XXYLT1: variants seen among roughly 807,000 people sequenced by gnomAD.
XXYLT1 encodes UDP-xylose:alpha-xyloside alpha-1,3-xylosyltransferase.
In XXYLT1, 20 loss-of-function variants were observed where a neutral mutation model predicts 28.9. The observed-to-expected ratio is 0.69, with a 90% CI of 0.49 to 1.00. The LOEUF (loss-of-function observed/expected upper bound fraction) is 1.00, where lower values mean the gene tolerates loss of function less well. XXYLT1 is among the 50% of genes least tolerant of loss of function. The pLI, the probability that XXYLT1 is intolerant of heterozygous loss-of-function variation, is 0.00. For missense variants in XXYLT1, 542 were observed against 560.1 expected (o/e 0.97, Z 0.33); for synonymous variants, 257 against 253.8 (o/e 1.01, Z -0.12).
intron 2 of XXYLT1, among the ~76,000 whole-genome samples, chr3:195,171,293 G>A (rs1008524857): frequency 1.2e-4 from 19 of 152,196 alleles, no homozygotes; most frequent in South Asian, 4.1e-4. Context: ...GGTTCTGAAC[G>A]GCCAAGCCCT....
At chr3:195,112,513 C>CA (rs1717797505) in intron 3 of XXYLT1, among the ~76,000 whole-genome samples, 8 of 142,572 alleles carry the variant, frequency 5.6e-5, no homozygotes, top group African/African-American at 1.4e-4. Flanking sequence ...CCCACACACA[C>CA]CCACACACAC....
intron 3 of XXYLT1, among the ~76,000 whole-genome samples, chr3:195,087,010 C>T (rs567047043): frequency 1.3e-5 from 2 of 152,272 alleles, no homozygotes; most frequent in Non-Finnish European, 2.9e-5. Flanking sequence ...CTTCCCAGCT[C>T]CAGGTCGCCT....
At chr3:195,237,556 T>C (rs985737793) in intron 1 of XXYLT1, among the ~76,000 whole-genome samples, 9 of 152,046 alleles carry the variant, frequency 5.9e-5, no homozygotes, top group South Asian at 2.1e-4. Context: ...GGTGCTTTTT[T>C]GGTGTAGATC....
intron 2 of XXYLT1, among the ~76,000 whole-genome samples, chr3:195,179,351 A>G (rs1013123985): frequency 3.3e-5 from 5 of 151,498 alleles, no homozygotes; most frequent in Admixed American, 6.6e-5. Context: ...AAAAAAAAAA[A>G]GAAAAAAAAA....
Position 195,115,978 on chromosome 3 carries a change from T to C in XXYLT1, c.785+40471A>G, listed in dbSNP as rs751275776. Among the ~76,000 whole-genome samples, 2 of 152,130 alleles carry C rather than the reference T, an allele frequency of 1.3e-5. No individual in the cohort carries two copies. The highest frequency in any genetic ancestry group is 2.9e-5 in the Non-Finnish European group (2 of 68,020). Reference sequence around the variant, plus strand: ...AAACTCAAGTCAGGCAGCTGAAGCATGCACTATTTGCCACAAACGGAGTCG... The same window carrying C: ...AAACTCAAGTCAGGCAGCTGAAGCACGCACTATTTGCCACAAACGGAGTCG... On this transcript the variant is annotated intron_variant, in intron 3 of 3. Coordinates refer to ENST00000310380, the MANE Select transcript of XXYLT1 (RefSeq NM_152531.5). This position sits in a 1 kb window ranked among gnomAD's most constrained non-coding sequence, Gnocchi z 4.2.
intron 1 of XXYLT1, among the ~76,000 whole-genome samples, chr3:195,227,304 A>T (rs1200472205): frequency 6.6e-6 from 1 of 152,158 alleles, no homozygotes; most frequent in Admixed American, 6.5e-5. Context: ...TGGCCACTGC[A>T]TCTGTTCCAT....
chr3:195,190,409 C>T (rs1722367792), intron 2 of XXYLT1, among the ~76,000 whole-genome samples: 1 of 147,450 alleles, frequency 6.8e-6, no homozygotes, highest in African/African-American at 2.5e-5. Context: ...GCAAAATAAT[C>T]ACTTGAACCC....
Position 195,168,272 on chromosome 3 carries a change from C to T in XXYLT1, c.653-11691G>A, listed in dbSNP as rs140607595. On this transcript the variant is annotated intron_variant, in intron 2 of 3. Coordinates refer to ENST00000310380, the MANE Select transcript of XXYLT1 (RefSeq NM_152531.5). The surrounding 1 kb of genome is among the most constrained non-coding windows in gnomAD (Gnocchi z 4.3). ...TTCTGAACAGGAATGGTCTTTGCCCCTCACTCATACCTTGTTTGTTCTCAG... is the reference window on the plus strand; with the variant it reads ...TTCTGAACAGGAATGGTCTTTGCCCTTCACTCATACCTTGTTTGTTCTCAG... Among the ~76,000 whole-genome samples the T allele has an allele frequency of 6.6e-6, 1 of 152,304 alleles. No individual in the cohort carries two copies. Among genetic ancestry groups the T allele is most frequent in the Non-Finnish European group, 1.5e-5 (1 of 68,026 alleles).
chr3:195,110,720 G>C (rs62645783), intron 3 of XXYLT1, among the ~76,000 whole-genome samples: 1 of 76,158 alleles, frequency 1.3e-5, no homozygotes, highest in Non-Finnish European at 2.6e-5. Flanking sequence ...TGTGTGGTGT[G>C]TGTGTGTGTG....
intron 3 of XXYLT1, chr3:195,134,650 A>G (rs944469482): frequency 1.3e-4 from 21 of 155,972 alleles, no homozygotes; most frequent in African/African-American, 5.1e-4. Flanking sequence ...AATCTTCAGG[A>G]TGCCAGGAAG....
chr3:195,227,055 A>G (rs1393905097), intron 1 of XXYLT1, among the ~76,000 whole-genome samples, 199 bp from the exon 2 acceptor site: 3 of 152,026 alleles, frequency 2.0e-5, no homozygotes, highest in Non-Finnish European at 4.4e-5. Context: ...AGGCCGCACT[A>G]AGGAGATGGG....
intron 2 of XXYLT1, among the ~76,000 whole-genome samples, chr3:195,217,833 C>G (rs1185595158): frequency 7.0e-6 from 1 of 143,664 alleles, no homozygotes; most frequent in African/African-American, 2.7e-5. Context: ...CATATGGAAC[C>G]AAAAAAGAGC....
chr3:195,177,062 C>T (rs1026660641), intron 2 of XXYLT1, among the ~76,000 whole-genome samples: 1 of 152,232 alleles, frequency 6.6e-6, no homozygotes, highest in Non-Finnish European at 1.5e-5. Flanking sequence ...GGGAAGGGTG[C>T]TACTCATAAA....
At chr3:195,112,689 GTGCACACACACACGTA>G (rs748163115) in intron 3 of XXYLT1, among the ~76,000 whole-genome samples, 67 of 148,910 alleles carry the variant, frequency 4.5e-4, no homozygotes, top group Non-Finnish European at 8.0e-4. Flanking sequence ...GGATGAAGCA[GTGCACACACACACGTA>G]TGCACACACG....
chr3:195,176,970 C>CA lies in XXYLT1; in HGVS notation c.653-20390dup, dbSNP rs1448366798. 6.6e-6 allele frequency among the ~76,000 whole-genome samples: 1 copy of CA among 152,080 alleles called. No homozygotes were observed. The highest frequency in any genetic ancestry group is 1.9e-4 in the East Asian group (1 of 5,196). On this transcript the variant is annotated intron_variant, in intron 2 of 3. Coordinates refer to ENST00000310380, the MANE Select transcript of XXYLT1 (RefSeq NM_152531.5). This position sits in a 1 kb window ranked among gnomAD's most constrained non-coding sequence, Gnocchi z 4.9. ...GCTGCCGCTGCTGACGTCCCCCCGCCACAGCAGGTCGGGGACCACATGCCG... is the reference window on the plus strand; with the variant it reads ...GCTGCCGCTGCTGACGTCCCCCCGCCAACAGCAGGTCGGGGACCACATGCCG...
In XXYLT1 at chr3:195,170,172, A is replaced by G. The variant is rs531962280; in HGVS notation, c.653-13591T>C. 4.5e-4 allele frequency among the ~76,000 whole-genome samples: 69 copies of G among 152,342 alleles called. 1 individual carries two copies. Among genetic ancestry groups the G allele is most frequent in the Middle Eastern group, 6.8e-3 (2 of 292 alleles). On this transcript the variant is annotated intron_variant, in intron 2 of 3. Coordinates refer to ENST00000310380, the MANE Select transcript of XXYLT1 (RefSeq NM_152531.5). ...GCCGTTAATGTATATATTTATATAT[A>G]TGTGTGTATATACACACACATATGA...
rs1560116841 is a variant in XXYLT1, at chr3:195,143,794, ATATATAGATAG to A, written c.785+12644_785+12654del. Reference sequence around the variant, plus strand: ...CCAAATGTTCTCTCATTATATATATATATATAGATAGATATATATAGATATAGATATATATA... The same window carrying A: ...CCAAATGTTCTCTCATTATATATATAATATATATAGATATAGATATATATA... On this transcript the variant is annotated intron_variant, in intron 3 of 3. Coordinates refer to ENST00000310380, the MANE Select transcript of XXYLT1 (RefSeq NM_152531.5). Among the ~76,000 whole-genome samples the A allele has an allele frequency of 3.4e-3, 393 of 116,900 alleles. 32 individuals carry two copies. Among genetic ancestry groups the A allele is most frequent in the African/African-American group, 0.012 (378 of 30,626 alleles). The allele number at this position is 116,900 out of a possible 152,430, so 76.7% of individuals were successfully genotyped here.
intron 3 of XXYLT1, among the ~76,000 whole-genome samples, chr3:195,144,182 C>G (rs1719709500): frequency 6.6e-6 from 1 of 150,438 alleles, no homozygotes; most frequent in Admixed American, 6.7e-5. Flanking sequence ...GCATGAGCCA[C>G]CGTGCCTGGC....
intron 2 of XXYLT1, among the ~76,000 whole-genome samples, chr3:195,221,115 T>C (rs780903100): frequency 6.6e-6 from 1 of 152,112 alleles, no homozygotes; most frequent in Non-Finnish European, 1.5e-5. Context: ...AGTCTAATGA[T>C]GAGAAAAACA....
Sources: gnomAD v4.1 joint callset for allele counts (sites outside exome capture counted in the v4.1 genomes callset) on GRCh38, gnomAD v4.1.1 for gene constraint, Gnocchi (gnomAD v3.1) non-coding constraint, MANE v1.5 for transcripts, NCBI Gene and HGNC (gene_info 2026-07-23, HGNC 2026-07-21) for gene names.